Variants in NRG3 observed in about 807,000 individuals in gnomAD.
NRG3 encodes pro-neuregulin-3, membrane-bound isoform.
In NRG3, 31 loss-of-function variants were observed where a neutral mutation model predicts 66.9. That is an observed-to-expected ratio of 0.46 (90% CI 0.35 to 0.63). The LOEUF is 0.63. Ranked by LOEUF, NRG3 falls within the 20% of genes least tolerant of loss-of-function variation. The pLI, the probability that NRG3 is intolerant of heterozygous loss-of-function variation, is 0.00. For synonymous variants in NRG3, 393 were observed against 359.4 expected, an observed-to-expected ratio of 1.09 and a Z score of -1.06; for missense variants, 910 against 878.9, an observed-to-expected ratio of 1.04 and a Z score of -0.45.
At chr10:82,701,396 T>G (rs17100589) in intron 2 of NRG3, among the ~76,000 whole-genome samples, 2,998 of 152,284 alleles carry the variant, frequency 0.02, 96 homozygotes, top group African/African-American at 0.068. Context: ...GCCTCTCGCT[T>G]GATCAGAATT....
intron 2 of NRG3, among the ~76,000 whole-genome samples, chr10:82,692,363 T>A (rs989830331): frequency 1.3e-5 from 2 of 152,110 alleles, no homozygotes; most frequent in South Asian, 4.1e-4. Flanking sequence ...TACTAGAAAT[T>A]CAAACTTTCA....
intron 2 of NRG3, among the ~76,000 whole-genome samples, chr10:82,656,308 C>CTTTTTTTTTTTTTTTTTTTTTTTTT (rs3040205): frequency 3.0e-5 from 4 of 132,032 alleles, no homozygotes; most frequent in Non-Finnish European, 4.7e-5. Flanking sequence ...TTTCTTTTTT[C>CTTTTTTTTTTTTTTTTTTTTTTTTT]TTTTTTTTTT....
intron 2 of NRG3, among the ~76,000 whole-genome samples, chr10:82,549,028 A>G (rs922993354): frequency 6.6e-6 from 1 of 152,182 alleles, no homozygotes; most frequent in Non-Finnish European, 1.5e-5. Context: ...GAACAGTGGA[A>G]CTGGAACTGA....
At chr10:82,597,194 A>G (rs2047336452) in intron 2 of NRG3, among the ~76,000 whole-genome samples, 1 of 152,198 alleles carries the variant, frequency 6.6e-6, no homozygotes, top group African/African-American at 2.4e-5. Flanking sequence ...GTATGTTTGC[A>G]TGTGGGGGAG....
At chr10:82,237,158 A>G (rs1433771930) in intron 1 of NRG3, among the ~76,000 whole-genome samples, 1 of 152,206 alleles carries the variant, frequency 6.6e-6, no homozygotes, top group Non-Finnish European at 1.5e-5. Context: ...AATTAATTGC[A>G]TATCTTGGAG....
intron 1 of NRG3, among the ~76,000 whole-genome samples, chr10:82,121,371 A>T (rs112747121): frequency 1.3e-5 from 2 of 152,296 alleles, no homozygotes; most frequent in African/African-American, 4.8e-5. Context: ...AATTGACTTG[A>T]TCAATGTCTT....
intron 1 of NRG3, among the ~76,000 whole-genome samples, chr10:82,305,027 C>G (rs1243857555): frequency 3.1e-5 from 4 of 128,482 alleles, no homozygotes; most frequent in African/African-American, 1.2e-4. Flanking sequence ...CAGAGTCTCC[C>G]TCTGTCGCCC....
intron 1 of NRG3, among the ~76,000 whole-genome samples, chr10:81,963,203 G>C (rs1164520422): frequency 7.8e-6 from 1 of 128,746 alleles, no homozygotes; most frequent in Non-Finnish European, 1.6e-5. Flanking sequence ...GCGGGATCTC[G>C]GCTCACTGCA....
chr10:82,373,440 C>T (rs140644098), intron 2 of NRG3, among the ~76,000 whole-genome samples: 368 of 152,284 alleles, frequency 2.4e-3, no homozygotes, highest in African/African-American at 8.3e-3. Context: ...TGCTTAGAGC[C>T]TGGCCTCCCT....
intron 2 of NRG3, among the ~76,000 whole-genome samples, chr10:82,539,758 G>C (rs547133754): frequency 6.6e-6 from 1 of 151,798 alleles, no homozygotes; most frequent in Non-Finnish European, 1.5e-5. Context: ...TCAGCCTCCC[G>C]AGTAGCTGGG....
intron 2 of NRG3, among the ~76,000 whole-genome samples, chr10:82,525,024 C>T (rs1304421159): frequency 2.0e-5 from 3 of 151,868 alleles, no homozygotes; most frequent in Non-Finnish European, 2.9e-5. Context: ...CAGCAGTGAT[C>T]CCCAACCTAT....
chr10:82,226,289 C>T (rs1406050524), intron 1 of NRG3, among the ~76,000 whole-genome samples: 1 of 152,152 alleles, frequency 6.6e-6, no homozygotes, highest in Non-Finnish European at 1.5e-5. Flanking sequence ...TCTCAGCTTT[C>T]TTACCACTTC....
At chr10:82,811,995 C>A (rs1456591269) in intron 3 of NRG3, among the ~76,000 whole-genome samples, 1 of 152,198 alleles carries the variant, frequency 6.6e-6, no homozygotes. Context: ...ACTTTAGAGA[C>A]AGAAACTTAA....
chr10:82,003,858 A>C lies in NRG3; in HGVS notation c.823+127695A>C, dbSNP rs149360661. Among the ~76,000 whole-genome samples the C allele has an allele frequency of 2.1e-3, 323 of 152,124 alleles. 3 individuals carry two copies. The highest frequency in any genetic ancestry group is 7.6e-3 in the African/African-American group (315 of 41,490). On this transcript the variant is annotated intron_variant, in intron 1 of 8. Transcript: ENST00000372141. Reference sequence around the variant, plus strand: ...GTAAAGGAAGTTGCTGTGCCTTAAAAATGACACCTTAGAGCTGGGTGTGTT... The same window carrying C: ...GTAAAGGAAGTTGCTGTGCCTTAAACATGACACCTTAGAGCTGGGTGTGTT...
chr10:82,506,952 T>G (rs1844736654), intron 2 of NRG3, among the ~76,000 whole-genome samples: 1 of 152,194 alleles, frequency 6.6e-6, no homozygotes, highest in South Asian at 2.1e-4. Context: ...CCAATTTCAC[T>G]GCCTTTGTGT....
chr10:82,394,448 G>A (rs1362936198), intron 2 of NRG3, among the ~76,000 whole-genome samples: 2 of 152,114 alleles, frequency 1.3e-5, no homozygotes, highest in Non-Finnish European at 2.9e-5. Context: ...CCCATTTAGA[G>A]GGTGAGACAT....
intron 4 of NRG3, among the ~76,000 whole-genome samples, chr10:82,913,553 T>C (rs960221459): frequency 2.0e-5 from 3 of 152,176 alleles, no homozygotes; most frequent in African/African-American, 7.2e-5. Context: ...GTAGATTAAA[T>C]TTCACTGGCT....
At chr10:82,409,193 A>G (rs1356972219) in intron 2 of NRG3, among the ~76,000 whole-genome samples, 1 of 152,196 alleles carries the variant, frequency 6.6e-6, no homozygotes, top group African/African-American at 2.4e-5. Flanking sequence ...AATTAGGCCT[A>G]AAGTAAAGCA....
intron 1 of NRG3, among the ~76,000 whole-genome samples, chr10:82,315,936 T>G (rs1278684181): frequency 6.6e-6 from 1 of 152,106 alleles, no homozygotes; most frequent in Non-Finnish European, 1.5e-5. Context: ...TGGGAGCCAC[T>G]GCGCCCGGCC....
Sources: gnomAD v4.1 joint callset for allele counts (sites outside exome capture counted in the v4.1 genomes callset) on GRCh38, gnomAD v4.1.1 for gene constraint, MANE v1.5 for transcripts, NCBI Gene and HGNC (gene_info 2026-07-23, HGNC 2026-07-21) for gene names.